Variants in CTNNA2 observed in about 807,000 individuals in gnomAD.
CTNNA2 encodes the protein catenin alpha 2, also known as catenin alpha-2.
A neutral mutation model predicts 101.0 loss-of-function variants in CTNNA2; 42 were observed. The observed-to-expected ratio is 0.42, with a 90% CI of 0.32 to 0.54. The LOEUF (loss-of-function observed/expected upper bound fraction) is 0.54. Among genes scored for constraint, CTNNA2 ranks in the 20% least tolerant of loss-of-function variants. The pLI is 0.14. For synonymous variants in CTNNA2, 450 were observed against 456.4 expected (o/e 0.99, Z 0.18); for missense variants, 871 against 1,223.1 (o/e 0.71, Z 4.29).
At chr2:79,882,843 G>A (rs1424059803) in intron 6 of CTNNA2, among the ~76,000 whole-genome samples, 2 of 152,220 alleles carry the variant, frequency 1.3e-5, no homozygotes, top group East Asian at 1.9e-4. Context: ...GGGTTTGCAA[G>A]TGGCGTCTTC....
intron 3 of CTNNA2, among the ~76,000 whole-genome samples, chr2:79,853,189 C>T (rs1357102193): frequency 1.0e-5 from 1 of 95,554 alleles, no homozygotes; most frequent in Non-Finnish European, 3.0e-5. Context: ...AGACAGGTCT[C>T]ACTCAGTCAT....
chr2:79,281,052 C>T (rs1675365833), intron 2 of CTNNA2, among the ~76,000 whole-genome samples: 1 of 152,088 alleles, frequency 6.6e-6, no homozygotes, highest in Non-Finnish European at 1.5e-5. Context: ...CTACCCCCCA[C>T]ATCCTTATGG....
intron 2 of CTNNA2, among the ~76,000 whole-genome samples, chr2:79,210,000 A>C (rs1350443685): frequency 6.6e-6 from 1 of 151,680 alleles, no homozygotes; most frequent in Non-Finnish European, 1.5e-5. Flanking sequence ...GGGTATTGGA[A>C]ATTAATGACA....
chr2:80,259,276 G>A (rs1290380379), intron 7 of CTNNA2, among the ~76,000 whole-genome samples: 1 of 152,130 alleles, frequency 6.6e-6, no homozygotes, highest in East Asian at 1.9e-4. Flanking sequence ...TTATTCCACT[G>A]TTCACTGAAT....
chr2:79,882,854 C>A (rs577284965), intron 6 of CTNNA2, among the ~76,000 whole-genome samples: 1 of 152,186 alleles, frequency 6.6e-6, no homozygotes, highest in Non-Finnish European at 1.5e-5. Flanking sequence ...TGGCGTCTTC[C>A]GATCCGTGGG....
chr2:79,752,597 G>A (rs1235149309), intron 3 of CTNNA2, among the ~76,000 whole-genome samples: 1 of 152,140 alleles, frequency 6.6e-6, no homozygotes, highest in Non-Finnish European at 1.5e-5. Context: ...ACATATTGAA[G>A]GTATTTCTTT....
At chr2:79,835,690 T>G (rs1679303463) in intron 3 of CTNNA2, among the ~76,000 whole-genome samples, 5 of 135,330 alleles carry the variant, frequency 3.7e-5, no homozygotes, top group South Asian at 2.5e-4. Flanking sequence ...TTTTTTTTTT[T>G]TTTTTTTTTT....
At chr2:79,347,268 G>A (rs1007985253) in intron 3 of CTNNA2, among the ~76,000 whole-genome samples, 2 of 152,094 alleles carry the variant, frequency 1.3e-5, no homozygotes, top group East Asian at 1.9e-4. Flanking sequence ...TTCCTCAAGA[G>A]CTATTAGTTA....
At chr2:79,200,197 A>G (rs1224132939) in intron 2 of CTNNA2, among the ~76,000 whole-genome samples, 5 of 152,166 alleles carry the variant, frequency 3.3e-5, no homozygotes, top group Non-Finnish European at 5.9e-5. Context: ...CAGCCTGGCC[A>G]ATATGGTGAA....
At chr2:80,630,651 AAAAT>A (rs1390472319) in intron 18 of CTNNA2, among the ~76,000 whole-genome samples, 2 of 152,170 alleles carry the variant, frequency 1.3e-5, no homozygotes, top group African/African-American at 4.8e-5. Flanking sequence ...TAAATAAATA[AAAAT>A]AAATAGTTAA....
chr2:79,525,679 G>A (rs977437668), intron 1 of CTNNA2, among the ~76,000 whole-genome samples: 3 of 151,876 alleles, frequency 2.0e-5, no homozygotes, highest in African/African-American at 4.8e-5. Flanking sequence ...TTGAAAACAG[G>A]CATTTTGCTT....
chr2:79,876,000 A>T (rs112194015), intron 6 of CTNNA2, among the ~76,000 whole-genome samples: 14 of 152,226 alleles, frequency 9.2e-5, no homozygotes, highest in African/African-American at 3.4e-4. Flanking sequence ...ATTATTTCTT[A>T]TATCTGCTAG....
intron 2 of CTNNA2, among the ~76,000 whole-genome samples, chr2:79,205,380 C>A (rs1674088005): frequency 6.6e-6 from 1 of 152,314 alleles, no homozygotes; most frequent in African/African-American, 2.4e-5. Context: ...AGATAACAAT[C>A]ATAAACAGCT....
intron 7 of CTNNA2, among the ~76,000 whole-genome samples, chr2:80,058,738 C>G (rs960318408): frequency 6.6e-6 from 1 of 151,996 alleles, no homozygotes; most frequent in African/African-American, 2.4e-5. Context: ...TCAACTCTTT[C>G]ATTGCGCAAA....
intron 1 of CTNNA2, among the ~76,000 whole-genome samples, chr2:79,544,934 A>C (rs765506584): frequency 3.9e-5 from 6 of 152,154 alleles, no homozygotes; most frequent in Non-Finnish European, 5.9e-5. Flanking sequence ...TCTGTGCCCA[A>C]TTGGAGCATA....
intron 1 of CTNNA2, among the ~76,000 whole-genome samples, chr2:79,513,604 GAC>G (rs925158073): frequency 2.0e-4 from 31 of 152,056 alleles, no homozygotes; most frequent in African/African-American, 7.5e-4. Context: ...TATACTGAGA[GAC>G]ACACTCTTAA....
chr2:80,282,490 G>C (rs1339150602), intron 7 of CTNNA2, among the ~76,000 whole-genome samples: 1 of 152,028 alleles, frequency 6.6e-6, no homozygotes, highest in Non-Finnish European at 1.5e-5. Flanking sequence ...AATTTAAACA[G>C]AAGTAGATAG....
chr2:80,463,825 C>A (rs1684646921), intron 9 of CTNNA2, among the ~76,000 whole-genome samples: 1 of 152,068 alleles, frequency 6.6e-6, no homozygotes, highest in African/African-American at 2.4e-5. Context: ...AAATGGCTTG[C>A]CCCAAGGCAC....
At chr2:79,751,369 A>G (rs1169912194) in intron 3 of CTNNA2, among the ~76,000 whole-genome samples, 2 of 152,062 alleles carry the variant, frequency 1.3e-5, no homozygotes, top group Non-Finnish European at 2.9e-5. Context: ...CGAGGCAGGC[A>G]GATCATTTGA....
Sources: gnomAD v4.1 joint callset for allele counts (sites outside exome capture counted in the v4.1 genomes callset) on GRCh38, gnomAD v4.1.1 for gene constraint, MANE v1.5 for transcripts, NCBI Gene and HGNC (gene_info 2026-07-23, HGNC 2026-07-21) for gene names.